The following NOTCH2NLC variants were observed in gnomAD, a reference collection of about 807,000 sequenced individuals.
NOTCH2NLC encodes notch homolog 2 N-terminal-like protein C.
A neutral mutation model predicts 17.7 loss-of-function variants in NOTCH2NLC; 4 were observed. The ratio of observed to expected loss-of-function variants is 0.23; its 90% CI spans 0.11 to 0.52. The LOEUF is 0.52. Among genes scored for constraint, NOTCH2NLC ranks in the 20% least tolerant of loss-of-function variants. The pLI is 0.96. For synonymous variants in NOTCH2NLC, 18 were observed against 86.0 expected, an observed-to-expected ratio of 0.21 and a Z score of 4.38; for missense variants, 57 against 207.2, an observed-to-expected ratio of 0.28 and a Z score of 4.45.
At position 149,471,595 on chromosome 1, in the gene NOTCH2NLC, G is replaced by A. The variant is rs2084720043; in HGVS notation, c.*7442G>A. On this transcript the variant is annotated 3_prime_UTR_variant, in exon 5 of 5. Transcript: ENST00000650865. Reference sequence around the variant, plus strand: ...AGTACATCTATATATAGAGAAAGTAGATTAGTGGTTGTCAGAGACTGCAAG... The same window carrying A: ...AGTACATCTATATATAGAGAAAGTAAATTAGTGGTTGTCAGAGACTGCAAG... Among the ~76,000 whole-genome samples, 2 of 150,100 alleles carry A rather than the reference G, an allele frequency of 1.3e-5. 1 individual carries two copies. The highest frequency in any genetic ancestry group is 3.0e-5 in the Non-Finnish European group (2 of 67,272).
intron 3 of NOTCH2NLC, among the ~76,000 whole-genome samples, chr1:149,462,851 T>C (rs1253798702): frequency 3.4e-5 from 5 of 146,812 alleles, no homozygotes; most frequent in African/African-American, 1.3e-4. Context: ...TTTTTTTTTT[T>C]TTGAAATGGA....
intron 1 of NOTCH2NLC, among the ~76,000 whole-genome samples, chr1:149,430,561 G>A (rs1177705809): frequency 2.8e-5 from 4 of 142,998 alleles, no homozygotes; most frequent in Non-Finnish European, 6.1e-5. Flanking sequence ...TATTTATCTA[G>A]CATTTTCCTA....
chr1:149,471,099 AC>A lies in NOTCH2NLC; in HGVS notation c.*6947del, dbSNP rs1326990842. Among the ~76,000 whole-genome samples, 1 of 147,182 alleles carries A rather than the reference AC, an allele frequency of 6.8e-6. No individual in the cohort carries two copies. The highest frequency in any genetic ancestry group is 2.5e-5 in the African/African-American group (1 of 40,254). On this transcript the variant is annotated 3_prime_UTR_variant, in exon 5 of 5. Transcript: ENST00000650865. ...GATGATTTTCAACATCTTTTCATAT[AC>A]TTATTAGTCATTATGTATCTTCTTT...
At chr1:149,401,421 T>TC (rs1460624946) in intron 1 of NOTCH2NLC, among the ~76,000 whole-genome samples, 5,245 of 144,854 alleles carry the variant, frequency 0.036, 245 homozygotes, top group Middle Eastern at 0.06. Context: ...ATATTTTCTT[T>TC]TTTTTTTTTT....
chr1:149,413,678 G>A (rs1335162074), intron 1 of NOTCH2NLC, among the ~76,000 whole-genome samples: 3 of 151,192 alleles, frequency 2.0e-5, no homozygotes, highest in Admixed American at 6.6e-5. Flanking sequence ...TGAGTTCAGA[G>A]CTATGTTCCT....
intron 1 of NOTCH2NLC, among the ~76,000 whole-genome samples, chr1:149,426,890 G>A (rs1206316945): frequency 5.3e-5 from 8 of 150,274 alleles, no homozygotes; most frequent in Non-Finnish European, 1.0e-4. Flanking sequence ...GATCTGTCCC[G>A]GTCTCACTTT....
chr1:149,407,056 G>C (rs2084274641), intron 1 of NOTCH2NLC, among the ~76,000 whole-genome samples: 1 of 149,606 alleles, frequency 6.7e-6, no homozygotes, highest in Non-Finnish European at 1.5e-5. Flanking sequence ...ATAGTTTGTA[G>C]TGTCTTGTAC....
At chr1:149,398,707 G>T (rs1228670790) in intron 1 of NOTCH2NLC, among the ~76,000 whole-genome samples, 8 of 151,094 alleles carry the variant, frequency 5.3e-5, no homozygotes, top group Non-Finnish European at 8.9e-5. Context: ...TGGTACCCCG[G>T]GTCCTCTGGC....
chr1:149,394,918 C>A (rs1292888726), intron 1 of NOTCH2NLC, among the ~76,000 whole-genome samples: 1 of 148,786 alleles, frequency 6.7e-6, no homozygotes, highest in Admixed American at 6.7e-5. Context: ...AGCCAGAAGA[C>A]CAGAATTCTT....
rs2084690228 is a variant in NOTCH2NLC, at chr1:149,467,289, C to T, written c.*3136C>T. ...TTTGGAGTCTTTTTCAACTCTGAGT[C>T]AGTGAATGCCACATAACTTAGTGAC... On this transcript the variant is annotated 3_prime_UTR_variant, in exon 5 of 5. Transcript: ENST00000650865. The T allele has an allele frequency of 8.4e-6, 1 of 118,432 alleles. No homozygotes were observed. Among genetic ancestry groups the T allele is most frequent in the African/African-American group, 3.2e-5 (1 of 31,422 alleles). 7.3% of individuals were successfully genotyped at this position (118,432 alleles called of 1,614,324 possible). A position where few individuals can be genotyped will look rare whatever the true frequency, so the allele number is the denominator to read the frequency against.
At chr1:149,419,050 T>A (rs1321090926) in intron 1 of NOTCH2NLC, among the ~76,000 whole-genome samples, 1 of 150,232 alleles carries the variant, frequency 6.7e-6, no homozygotes, top group Non-Finnish European at 1.5e-5. Context: ...TTTCTTTTTT[T>A]CTTTCTTTTT....
At position 149,400,139 on chromosome 1, in the gene NOTCH2NLC, A is replaced by ATTTT. The variant is rs1176135315; in HGVS notation, c.135+9224_135+9227dup. The stretch of plus-strand genomic sequence containing the variant: ...ATATATATATATATATATAATATAT[A>ATTTT]TTTTTTTTTTAGTTTATGAACAGAT... On this transcript the variant is annotated intron_variant, in intron 1 of 4. Coordinates refer to ENST00000650865, the MANE Select transcript of NOTCH2NLC (RefSeq NM_001364013.2). Among the ~76,000 whole-genome samples, 228 of 131,930 alleles carry ATTTT rather than the reference A, an allele frequency of 1.7e-3. 2 individuals carry two copies. Among genetic ancestry groups the ATTTT allele is most frequent in the South Asian group, 0.014 (59 of 4,242 alleles). The allele number at this position is 131,930 out of a possible 152,430, so 86.6% of individuals were successfully genotyped here.
intron 1 of NOTCH2NLC, among the ~76,000 whole-genome samples, chr1:149,413,603 G>T (rs1480245702): frequency 6.6e-6 from 1 of 150,780 alleles, no homozygotes; most frequent in Non-Finnish European, 1.5e-5. Context: ...GAGTGAGAAG[G>T]GGCATCCTAC....
At position 149,466,273 on chromosome 1, in the gene NOTCH2NLC, T is replaced by TG; in HGVS notation, c.*2121dup. 1 of 143,114 alleles carries TG rather than the reference T, an allele frequency of 7.0e-6. No individual in the cohort carries two copies. The highest frequency in any genetic ancestry group is 7.0e-5 in the Admixed American group (1 of 14,340). 8.9% of individuals were successfully genotyped at this position (143,114 alleles called of 1,614,324 possible). A position where few individuals can be genotyped will look rare whatever the true frequency, so the allele number is the denominator to read the frequency against. The stretch of plus-strand genomic sequence containing the variant: ...GTGTGTGTGTGTGTGTGTGTGTGTG[T>TG]GTGGTATATATATATATATCGCATT... On this transcript the variant is annotated 3_prime_UTR_variant, in exon 5 of 5. Coordinates refer to ENST00000650865, the MANE Select transcript of NOTCH2NLC (RefSeq NM_001364013.2).
chr1:149,445,021 C>T (rs2084541239), intron 2 of NOTCH2NLC, among the ~76,000 whole-genome samples: 2 of 146,908 alleles, frequency 1.4e-5, no homozygotes, highest in South Asian at 2.1e-4. Flanking sequence ...AGAGCTTCTT[C>T]TCTTTTTTTC....
intron 1 of NOTCH2NLC, among the ~76,000 whole-genome samples, chr1:149,421,562 A>G: frequency 7.2e-6 from 1 of 138,090 alleles, no homozygotes; most frequent in Non-Finnish European, 1.6e-5. Flanking sequence ...GAAATTGGTG[A>G]CAGGCAAAAT....
chr1:149,468,497 ATTAT>A lies in NOTCH2NLC; in HGVS notation c.*4349_*4352del, dbSNP rs1559612480. Among the ~76,000 whole-genome samples the A allele has an allele frequency of 6.7e-6, 1 of 149,854 alleles. No homozygotes were observed. Among genetic ancestry groups the A allele is most frequent in the Non-Finnish European group, 1.5e-5 (1 of 67,222 alleles). On this transcript the variant is annotated 3_prime_UTR_variant, in exon 5 of 5. Transcript: ENST00000650865. ...CTCTAGCACAGCACTTACCACGGTG[ATTAT>A]TTATCTGTTCATCTTTCCAAGTAGA...
At chr1:149,399,769 G>T (rs1220806761) in intron 1 of NOTCH2NLC, among the ~76,000 whole-genome samples, 2 of 135,810 alleles carry the variant, frequency 1.5e-5, no homozygotes, top group African/African-American at 5.6e-5. Context: ...TAAGTAATAT[G>T]TAGTGGCTTC....
intron 3 of NOTCH2NLC, among the ~76,000 whole-genome samples, chr1:149,460,854 CCTTTCTTTCTTTCTTTCTTTCTTT>C (rs1169297627): frequency 0.027 from 3,063 of 113,904 alleles, 98 homozygotes; most frequent in Middle Eastern, 0.048. Flanking sequence ...TTTCTTTCTC[CCTTTCTTTCTTTCTTTCTTTCTTT>C]CTTTCTTTCT....
Sources: gnomAD v4.1 joint callset for allele counts (sites outside exome capture counted in the v4.1 genomes callset) on GRCh38, gnomAD v4.1.1 for gene constraint, MANE v1.5 for transcripts, NCBI Gene and HGNC (gene_info 2026-07-23, HGNC 2026-07-21) for gene names.